MYO1D: variants seen among roughly 807,000 people sequenced by gnomAD.
The protein encoded by MYO1D is myosin ID, also known as unconventional myosin-Id.
MYO1D carries 83 observed loss-of-function variants against 122.0 expected under a neutral mutation model. That is an observed-to-expected ratio of 0.68 (90% CI 0.57 to 0.82). MYO1D has a LOEUF of 0.82. MYO1D is among the 40% of genes least tolerant of loss of function. The pLI is 0.00. For missense variants in MYO1D, 1,157 were observed against 1,269.5 expected (o/e 0.91, Z 1.35); for synonymous variants, 464 against 446.9 (o/e 1.04, Z -0.48).
At chr17:32,773,382 G>T (rs1484929812) in intron 4 of MYO1D, among the ~76,000 whole-genome samples, 2 of 152,104 alleles carry the variant, frequency 1.3e-5, no homozygotes, top group Non-Finnish European at 1.5e-5. Flanking sequence ...TCTTCCCTTG[G>T]TGTTTAATCA....
intron 16 of MYO1D, among the ~76,000 whole-genome samples, chr17:32,674,573 G>A (rs1567942201): frequency 6.6e-6 from 1 of 151,980 alleles, no homozygotes; most frequent in Non-Finnish European, 1.5e-5. Context: ...GTACTGTGCT[G>A]CTGTATGTTT....
intron 1 of MYO1D, among the ~76,000 whole-genome samples, chr17:32,845,679 A>G (rs2151077526): frequency 6.6e-6 from 1 of 152,328 alleles, no homozygotes; most frequent in African/African-American, 2.4e-5. Context: ...CTTAAATTAA[A>G]GGGAAATAAA....
rs2089507940 is a variant in MYO1D, at chr17:32,721,294, C to A, written c.1747-105G>T. ...AATTGTGTCAAGTTAAGCTCAGTGC[C>A]TCTAATTTCTCAGGCATACACTTGT... On this transcript the variant is annotated intron_variant, in intron 14 of 21. Transcript: ENST00000318217. The A allele has an allele frequency of 8.1e-6, 8 of 992,068 alleles. No homozygotes were observed. In the South Asian group the frequency reaches 1.2e-4, roughly 15 times the overall value. The allele number at this position is 992,068 out of a possible 1,614,324, so 61.5% of individuals were successfully genotyped here.
rs553748832 is a variant in MYO1D at position 32,691,060 on chromosome 17, A to AAC, written c.2121+20926_2121+20927dup. Among the ~76,000 whole-genome samples, 306 of 152,070 alleles carry AAC rather than the reference A, an allele frequency of 2.0e-3. 3 individuals carry two copies. Among genetic ancestry groups the AAC allele is most frequent in the African/African-American group, 7.2e-3 (298 of 41,472 alleles). On this transcript the variant is annotated intron_variant, in intron 16 of 21. Transcript: ENST00000318217. ...GAGCATCACTAGAGCCCAGGAGTTCAACACCAGCCCGGGCAAGATAGTCAG... is the reference window on the plus strand; with the variant it reads ...GAGCATCACTAGAGCCCAGGAGTTCAACACACCAGCCCGGGCAAGATAGTCAG...
chr17:32,619,407 C>A (rs1348971248), intron 20 of MYO1D, among the ~76,000 whole-genome samples: 2 of 152,156 alleles, frequency 1.3e-5, no homozygotes. Flanking sequence ...GTTTACCACA[C>A]AAACTCTGTC....
chr17:32,780,091 C>G (rs895376269), intron 2 of MYO1D, among the ~76,000 whole-genome samples: 1 of 151,968 alleles, frequency 6.6e-6, no homozygotes, highest in Non-Finnish European at 1.5e-5. Flanking sequence ...GTGCCTATCT[C>G]CCCCCTTGTT....
At chr17:32,755,435 CA>C (rs1236785928) in intron 11 of MYO1D, 56 bp downstream of exon 11, 8 of 1,543,034 alleles carry the variant, frequency 5.2e-6, no homozygotes, top group Non-Finnish European at 7.1e-6. Context: ...TGAACTCCAT[CA>C]AACAATAAGG....
chr17:32,862,368 A>C (rs2091085000), intron 1 of MYO1D, among the ~76,000 whole-genome samples: 1 of 152,250 alleles, frequency 6.6e-6, no homozygotes, highest in Non-Finnish European at 1.5e-5. Context: ...TATCCAGAAA[A>C]GAATAAAGAC....
At chr17:32,665,596 C>A (rs1005901977) in intron 16 of MYO1D, among the ~76,000 whole-genome samples, 1 of 152,210 alleles carries the variant, frequency 6.6e-6, no homozygotes, top group African/African-American at 2.4e-5. Flanking sequence ...TCTCATCCCA[C>A]CTCTGAGTAT....
intron 20 of MYO1D, among the ~76,000 whole-genome samples, chr17:32,634,468 T>C (rs568467971): frequency 2.0e-5 from 3 of 152,270 alleles, no homozygotes; most frequent in South Asian, 4.2e-4. Context: ...CCCATTAAAG[T>C]TAGTTGCTGA....
At chr17:32,803,872 A>G (rs1485817455) in intron 1 of MYO1D, among the ~76,000 whole-genome samples, 1 of 152,242 alleles carries the variant, frequency 6.6e-6, no homozygotes, top group African/African-American at 2.4e-5. Flanking sequence ...ATCCAAACAC[A>G]GTAATTACCA....
chr17:32,494,717 C>T lies in MYO1D; in HGVS notation c.*42G>A. The T allele has an allele frequency of 3.2e-6, 5 of 1,541,642 alleles. No individual in the cohort carries two copies. The highest frequency in any genetic ancestry group is 2.0e-4 in the Middle Eastern group (1 of 5,058). On this transcript the variant is annotated 3_prime_UTR_variant, in exon 22 of 22. Transcript: ENST00000318217. ...GCAGCAGCTGGACTGGGACCCAGGA[C>T]TCGGAGTGTGGCCGGGCTCCGGGCC... is the stretch of plus-strand genomic sequence containing the variant.
intron 1 of MYO1D, among the ~76,000 whole-genome samples, chr17:32,833,246 T>A (rs746804256): frequency 3.3e-5 from 5 of 152,198 alleles, no homozygotes; most frequent in Admixed American, 6.5e-5. Context: ...CCATTTATCT[T>A]CAAAGTATAT....
At chr17:32,746,926 G>A (rs2089844191) in intron 12 of MYO1D, among the ~76,000 whole-genome samples, 1 of 152,170 alleles carries the variant, frequency 6.6e-6, no homozygotes, top group Non-Finnish European at 1.5e-5. Flanking sequence ...GCTGGTCTAG[G>A]TCATCTCTAA....
chr17:32,567,323 A>G (rs1364967862), intron 21 of MYO1D, among the ~76,000 whole-genome samples: 2 of 152,244 alleles, frequency 1.3e-5, no homozygotes, highest in African/African-American at 2.4e-5. Flanking sequence ...GAATGAATGT[A>G]TTTAAACAGA....
chr17:32,870,529 CT>C, intron 1 of MYO1D, among the ~76,000 whole-genome samples: 1 of 150,240 alleles, frequency 6.7e-6, no homozygotes, highest in Middle Eastern at 3.5e-3. Context: ...TTCTTCTAAT[CT>C]ATAACTCACT....
intron 21 of MYO1D, among the ~76,000 whole-genome samples, chr17:32,603,680 CAAGCCCAGCTAATTTTT>C (rs1012407475): frequency 6.6e-6 from 1 of 151,888 alleles, no homozygotes; most frequent in Non-Finnish European, 1.5e-5. Context: ...TGCCCGCCAC[CAAGCCCAGCTAATTTTT>C]TGTATTTTTA....
chr17:32,644,069 C>T (rs573969707), intron 19 of MYO1D, among the ~76,000 whole-genome samples: 10 of 152,160 alleles, frequency 6.6e-5, no homozygotes, highest in African/African-American at 2.4e-4. Context: ...ATAAATTTCC[C>T]TCTACACACT....
At chr17:32,553,518 T>G (rs2087041054) in intron 21 of MYO1D, among the ~76,000 whole-genome samples, 1 of 152,172 alleles carries the variant, frequency 6.6e-6, no homozygotes, top group African/African-American at 2.4e-5. Context: ...CAGCTCCTCT[T>G]CTAGCAGCTG....
Sources: gnomAD v4.1 joint callset for allele counts (sites outside exome capture counted in the v4.1 genomes callset) on GRCh38, gnomAD v4.1.1 for gene constraint, MANE v1.5 for transcripts, NCBI Gene and HGNC (gene_info 2026-07-23, HGNC 2026-07-21) for gene names.